TRIM44: variants seen among roughly 807,000 people sequenced by gnomAD.
TRIM44 encodes tripartite motif containing 44, also known as tripartite motif-containing protein 44.
Under a neutral mutation model 37.4 loss-of-function variants are expected in TRIM44, and 13 were observed. The observed-to-expected ratio is 0.35, with a 90% CI of 0.23 to 0.55. The LOEUF is 0.55. Among genes scored for constraint, TRIM44 ranks in the 20% least tolerant of loss-of-function variants. The pLI is 0.89. For missense variants in TRIM44, 426 were observed against 437.2 expected, an observed-to-expected ratio of 0.97 and a Z score of 0.23; for synonymous variants, 175 against 157.2, an observed-to-expected ratio of 1.11 and a Z score of -0.85.
chr11:35,677,978 G>A (rs1346948915), intron 1 of TRIM44, among the ~76,000 whole-genome samples: 2 of 152,174 alleles, frequency 1.3e-5, no homozygotes, highest in African/African-American at 4.8e-5. Context: ...AGAAGCTCTA[G>A]GGACATAGTG....
At chr11:35,749,227 C>T (rs777205478) in intron 4 of TRIM44, among the ~76,000 whole-genome samples, 5 of 152,136 alleles carry the variant, frequency 3.3e-5, no homozygotes, top group Non-Finnish European at 7.3e-5. Context: ...AGAACTTATG[C>T]TATAGAATCT....
chr11:35,792,910 A>T (rs1169428965), intron 4 of TRIM44, among the ~76,000 whole-genome samples: 1 of 152,204 alleles, frequency 6.6e-6, no homozygotes, highest in Non-Finnish European at 1.5e-5. Flanking sequence ...AAACCTTGAA[A>T]GATATTTCTA....
At chr11:35,792,111 A>ACACACACACACACACACACTCTCTCTCT (rs796092540) in intron 4 of TRIM44, among the ~76,000 whole-genome samples, 2 of 114,298 alleles carry the variant, frequency 1.7e-5, no homozygotes, top group Non-Finnish European at 3.7e-5. Flanking sequence ...ACACACACAC[A>ACACACACACACACACACACTCTCTCTCT]CTCTCTCTCA....
At chr11:35,777,820 G>C (rs1433139266) in intron 4 of TRIM44, among the ~76,000 whole-genome samples, 1 of 152,212 alleles carries the variant, frequency 6.6e-6, no homozygotes, top group Non-Finnish European at 1.5e-5. Flanking sequence ...TCTGCCCAGA[G>C]ATCCACTGTT....
chr11:35,701,460 A>G (rs902925820), intron 2 of TRIM44, among the ~76,000 whole-genome samples: 2 of 152,210 alleles, frequency 1.3e-5, no homozygotes, highest in Admixed American at 6.5e-5. Context: ...AGGAAAATTT[A>G]AGATAGTTAA....
chr11:35,699,516 G>A lies in TRIM44; in HGVS notation c.747+14180G>A, dbSNP rs981405072. Among the ~76,000 whole-genome samples the A allele has an allele frequency of 8.6e-5, 13 of 151,924 alleles. 1 individual carries two copies. The highest frequency in any genetic ancestry group is 1.6e-4 in the Non-Finnish European group (11 of 68,008). On this transcript the variant is annotated intron_variant, in intron 2 of 4. Coordinates refer to ENST00000299413, the MANE Select transcript of TRIM44 (RefSeq NM_017583.6). ...ATATCATACTGAATGGGCAAAAACT[G>A]GAAGCATTCCCTTTGAAAACTGGCA...
rs377715054 is a variant in TRIM44, at chr11:35,813,595, T to C, written c.*7210T>C. 4.6e-5 allele frequency: 7 copies of C among 152,270 alleles called. No homozygotes were observed. The highest frequency in any genetic ancestry group is 1.9e-4 in the East Asian group (1 of 5,184). The allele number at this position is 152,270 out of a possible 1,614,324, so 9.4% of individuals were successfully genotyped here. ...ACTGCAAAGCTCCAAAGCCCTGATA[T>C]ATGGGTTATTTAGTGTCAAAAACAG... On this transcript the variant is annotated 3_prime_UTR_variant, in exon 5 of 5. Transcript: ENST00000299413.
intron 4 of TRIM44, among the ~76,000 whole-genome samples, chr11:35,778,779 A>G (rs147438741): frequency 0.013 from 1,964 of 151,972 alleles, 46 homozygotes; most frequent in African/African-American, 0.045. Flanking sequence ...CAGAATGGCA[A>G]ATGTTGCTGC....
chr11:35,679,555 A>C (rs1423440444), intron 1 of TRIM44, among the ~76,000 whole-genome samples: 1 of 152,190 alleles, frequency 6.6e-6, no homozygotes, highest in Non-Finnish European at 1.5e-5. Flanking sequence ...GAAGCAAGCC[A>C]AGGTAACTGG....
intron 4 of TRIM44, among the ~76,000 whole-genome samples, chr11:35,797,604 A>G (rs556646606): frequency 6.6e-6 from 1 of 152,306 alleles, no homozygotes; most frequent in Admixed American, 6.5e-5. Flanking sequence ...ATGGCACTTT[A>G]CCTCTGTAAT....
intron 4 of TRIM44, among the ~76,000 whole-genome samples, chr11:35,784,547 A>G (rs1224842808): frequency 6.6e-6 from 1 of 152,246 alleles, no homozygotes; most frequent in Non-Finnish European, 1.5e-5. Flanking sequence ...CATAATTTCA[A>G]GGCAAATCAA....
intron 4 of TRIM44, among the ~76,000 whole-genome samples, chr11:35,759,683 G>C (rs1852696094): frequency 6.6e-6 from 1 of 152,144 alleles, no homozygotes; most frequent in Non-Finnish European, 1.5e-5. Flanking sequence ...GTTTTGGTGT[G>C]GATGTCCTTT....
chr11:35,770,293 T>C (rs2133865312), intron 4 of TRIM44, among the ~76,000 whole-genome samples: 1 of 152,380 alleles, frequency 6.6e-6, no homozygotes, highest in East Asian at 1.9e-4. Flanking sequence ...ATTTGCTTTA[T>C]CCAGTGCACT....
intron 2 of TRIM44, among the ~76,000 whole-genome samples, chr11:35,692,082 A>G (rs1359157558): frequency 4.6e-5 from 7 of 152,242 alleles, no homozygotes; most frequent in Non-Finnish European, 1.0e-4. Flanking sequence ...GACTATCTGT[A>G]TATGTTTTCA....
intron 2 of TRIM44, among the ~76,000 whole-genome samples, chr11:35,701,964 C>T (rs1458901227): frequency 6.6e-6 from 1 of 152,192 alleles, no homozygotes; most frequent in Non-Finnish European, 1.5e-5. Flanking sequence ...GCTTACTACA[C>T]TATAACCCTG....
Position 35,814,623 on chromosome 11 carries a change from C to T in TRIM44, c.*8238C>T, listed in dbSNP as rs1853561623. ...TGCATGACTGTAAAAACATGTGCCA[C>T]GCTGATTATATATAGAGATGGTCTA... On this transcript the variant is annotated 3_prime_UTR_variant, in exon 5 of 5. Coordinates refer to ENST00000299413, the MANE Select transcript of TRIM44 (RefSeq NM_017583.6). The T allele has an allele frequency of 1.3e-5, 2 of 152,104 alleles. No individual in the cohort carries two copies. The highest frequency in any genetic ancestry group is 2.1e-4 in the South Asian group (1 of 4,834). 9.4% of individuals were successfully genotyped at this position (152,104 alleles called of 1,614,324 possible). A position where few individuals can be genotyped will look rare whatever the true frequency, so the allele number is the denominator to read the frequency against.
chr11:35,696,797 A>T (rs866036973), intron 2 of TRIM44, among the ~76,000 whole-genome samples: 5 of 151,756 alleles, frequency 3.3e-5, no homozygotes, highest in South Asian at 2.1e-4. Flanking sequence ...CGGTGAGCCG[A>T]GATCATGCCA....
rs146491737 is a variant in TRIM44 at position 35,695,832 on chromosome 11, C to T, written c.747+10496C>T. Among the ~76,000 whole-genome samples the T allele has an allele frequency of 1.9e-3, 295 of 151,298 alleles. 2 individuals are homozygous for T. Among genetic ancestry groups the T allele is most frequent in the African/African-American group, 7.1e-3 (291 of 41,244 alleles). ...ATATTAGAATTATAGAGATCTCGTA[C>T]AACTTTGTAACATATGTTAATATCA... On this transcript the variant is annotated intron_variant, in intron 2 of 4. Coordinates refer to ENST00000299413, the MANE Select transcript of TRIM44 (RefSeq NM_017583.6).
chr11:35,753,929 A>G (rs1373120364), intron 4 of TRIM44, among the ~76,000 whole-genome samples: 2 of 151,954 alleles, frequency 1.3e-5, no homozygotes, highest in Non-Finnish European at 2.9e-5. Flanking sequence ...GAGTTTCACC[A>G]TGTTGTTCAG....
Sources: allele counts gnomAD v4.1 joint callset (sites outside exome capture counted in the v4.1 genomes callset), GRCh38; gene constraint gnomAD v4.1.1; transcripts MANE v1.5; gene names NCBI Gene and HGNC (gene_info 2026-07-23, HGNC 2026-07-21).